The following DNM1 variants were observed in gnomAD, a reference collection of about 807,000 sequenced individuals.
DNM1 encodes dynamin-1.
In DNM1, 29 loss-of-function variants were observed where a neutral mutation model predicts 104.6. That is an observed-to-expected ratio of 0.28 (90% CI 0.21 to 0.38). The LOEUF is 0.38. Ranked by LOEUF, DNM1 falls within the 10% of genes least tolerant of loss-of-function variation. The probability of loss-of-function intolerance (pLI) is 1.00; values close to 1 mark genes in which losing one functional copy is unlikely to be tolerated. For synonymous variants in DNM1, 445 were observed against 475.8 expected, an observed-to-expected ratio of 0.94 and a Z score of 0.84; for missense variants, 640 against 1,189.4, an observed-to-expected ratio of 0.54 and a Z score of 6.79.
In DNM1 at chr9:128,224,597, T is replaced by C. The variant is rs968843491; in HGVS notation, c.1335+208T>C. Among the ~76,000 whole-genome samples, 4 of 151,562 alleles carry C rather than the reference T, an allele frequency of 2.6e-5. No individual in the cohort carries two copies. Among genetic ancestry groups the C allele is most frequent in the Admixed American group, 2.6e-4 (4 of 15,254 alleles). ...GCCCCCAGGTCTGGGGACCCAGGGATTGGACATGGGTGAGACGGGGATGAT... is the reference window on the plus strand; with the variant it reads ...GCCCCCAGGTCTGGGGACCCAGGGACTGGACATGGGTGAGACGGGGATGAT... On this transcript the variant is annotated intron_variant, in intron 10 of 21. Transcript: ENST00000372923. This position sits in a 1 kb window ranked among gnomAD's most constrained non-coding sequence, Gnocchi z 4.3.
In DNM1 at chr9:128,220,286, A is replaced by G. The variant is rs1834864541; in HGVS notation, c.794A>G (p.Tyr265Cys). 6.2e-7 allele frequency: 1 copy of G among 1,614,100 alleles called. No homozygotes were observed. The highest frequency in any genetic ancestry group is 8.5e-7 in the Non-Finnish European group (1 of 1,180,040). ...AAGTTCTTCCTCTCCCATCCATCTT[A>G]TCGCCACTTGGCTGACCGTATGGGC... ...ERKFFLSHPSYRHLADRMGTP... is the reference protein window; with the variant it reads ...ERKFFLSHPSCRHLADRMGTP... The change falls in exon 6 of 22, where the codon TAT (tyrosine) becomes TGT (cysteine). Residue 265 changes from tyrosine to cysteine, a missense_variant. Tyr to Cys is a radical substitution (Grantham distance 194). Coordinates refer to ENST00000372923, the MANE Select transcript of DNM1 (RefSeq NM_004408.4). This position sits in a 1 kb window ranked among gnomAD's most constrained non-coding sequence, Gnocchi z 5.2.
At chr9:128,209,570 A>G (rs561206300) in intron 1 of DNM1, among the ~76,000 whole-genome samples, 221 of 152,344 alleles carry the variant, frequency 1.5e-3, no homozygotes, top group Non-Finnish European at 2.6e-3. Context: ...ACACACCTTC[A>G]TCACAACCTG....
chr9:128,235,366 C>T (rs764707308), intron 11 of DNM1, among the ~76,000 whole-genome samples: 21 of 152,038 alleles, frequency 1.4e-4, no homozygotes, highest in African/African-American at 1.9e-4. Flanking sequence ...TGGTGGTGGG[C>T]GCCTGTAATC....
At chr9:128,249,398 T>C (rs1829371050) in intron 19 of DNM1, among the ~76,000 whole-genome samples, 1 of 151,934 alleles carries the variant, frequency 6.6e-6, no homozygotes, top group South Asian at 2.1e-4. Context: ...AGTTCATGCC[T>C]GTAATCCCAG....
Position 128,248,012 on chromosome 9 carries a change from G to T in DNM1, c.1905+77G>T. The T allele has an allele frequency of 6.3e-7, 1 of 1,583,184 alleles. No homozygotes were observed. Among genetic ancestry groups the T allele is most frequent in the South Asian group, 1.1e-5 (1 of 90,460 alleles). ...GCTCCAGCCAGGTTTTCAAGCAAGG[G>T]ACCTGGAGATGTTCTTTTCTAATTT... On this transcript the variant is annotated intron_variant, in intron 18 of 21. Coordinates refer to ENST00000372923, the MANE Select transcript of DNM1 (RefSeq NM_004408.4). This position sits in a 1 kb window ranked among gnomAD's most constrained non-coding sequence, Gnocchi z 5.6.
chr9:128,208,357 C>A (rs1177319466), intron 1 of DNM1, among the ~76,000 whole-genome samples: 1 of 152,224 alleles, frequency 6.6e-6, no homozygotes, highest in African/African-American at 2.4e-5. Context: ...TAGCACTCAG[C>A]TCTCTGCTCT....
chr9:128,252,648 T>C, intron 21 of DNM1: 1 of 431,444 alleles, frequency 2.3e-6, no homozygotes, highest in South Asian at 1.7e-5. Context: ...GGCTCAATGC[T>C]GTGGGCAGTA....
In DNM1 at chr9:128,220,742, C is replaced by CGCGCGTGT. The variant is rs61020870; in HGVS notation, c.849+402_849+403insCGCGTGTG. Among the ~76,000 whole-genome samples, 373 of 136,348 alleles carry CGCGCGTGT rather than the reference C, an allele frequency of 2.7e-3. No individual in the cohort carries two copies. The highest frequency in any genetic ancestry group is 2.9e-3 in the Non-Finnish European group (184 of 63,284). The allele number at this position is 136,348 out of a possible 152,430, so 89.4% of individuals were successfully genotyped here. ...CAGAACTGAAGTGCGCGCGCGCGCG[C>CGCGCGTGT]GTGTGTGTGTGTGTGTGTGTGTGTG... On this transcript the variant is annotated intron_variant, in intron 6 of 21. Coordinates refer to ENST00000372923, the MANE Select transcript of DNM1 (RefSeq NM_004408.4). This position sits in a 1 kb window ranked among gnomAD's most constrained non-coding sequence, Gnocchi z 5.2.
At position 128,218,438 on chromosome 9, in the gene DNM1, G is replaced by A. The variant is rs764079431; in HGVS notation, c.235+134G>A. 216 of 1,414,190 alleles carry A rather than the reference G, an allele frequency of 1.5e-4. No homozygotes were observed. Among genetic ancestry groups the A allele is most frequent in the Middle Eastern group, 5.3e-4 (3 of 5,658 alleles). The allele number at this position is 1,414,190 out of a possible 1,614,324, so 87.6% of individuals were successfully genotyped here. On this transcript the variant is annotated intron_variant, in intron 2 of 21. Coordinates refer to ENST00000372923, the MANE Select transcript of DNM1 (RefSeq NM_004408.4). This position sits in a 1 kb window ranked among gnomAD's most constrained non-coding sequence, Gnocchi z 4.8. The stretch of plus-strand genomic sequence containing the variant: ...CCTCGTTCCCCTTAGGGATAGCGGG[G>A]ATCAAAATACATAATGGAGACGTGG...
chr9:128,251,634 CA>C (rs146875813), intron 21 of DNM1: 38,081 of 149,264 alleles, frequency 0.26, 7,260 homozygotes, highest in African/African-American at 0.54. Flanking sequence ...TCCCCCCAAC[CA>C]CCCCCTCCGC....
chr9:128,254,237 A>G lies in DNM1; in HGVS notation c.2535-417A>G, dbSNP rs986217312. The stretch of plus-strand genomic sequence containing the variant: ...CTGGTTCAAGCAGTGTTCTTTCTCT[A>G]TCAGGCCTGGTGGCTGTTGCATGGG... On this transcript the variant is annotated intron_variant, in intron 21 of 21. Transcript: ENST00000372923. This position sits in a 1 kb window ranked among gnomAD's most constrained non-coding sequence, Gnocchi z 6.1. 1.6e-5 allele frequency: 22 copies of G among 1,357,128 alleles called. No homozygotes were observed. Among genetic ancestry groups the G allele is most frequent in the East Asian group, 6.1e-5 (2 of 32,918 alleles). 84.1% of individuals were successfully genotyped at this position (1,357,128 alleles called of 1,614,324 possible).
At chr9:128,225,691 A>G (rs993500997) in intron 10 of DNM1, among the ~76,000 whole-genome samples, 1 of 152,124 alleles carries the variant, frequency 6.6e-6, no homozygotes, top group African/African-American at 2.4e-5. Flanking sequence ...AGTGAGGCCG[A>G]GGAGCAGGGG....
intron 16 of DNM1, among the ~76,000 whole-genome samples, chr9:128,246,730 C>T (rs113293260): frequency 0.058 from 8,570 of 147,306 alleles, 363 homozygotes; most frequent in East Asian, 0.19. Context: ...TTTCCTTCCT[C>T]CCTTCCTTCC....
chr9:128,210,946 G>A (rs1385974547), intron 1 of DNM1, among the ~76,000 whole-genome samples: 1 of 151,120 alleles, frequency 6.6e-6, no homozygotes, highest in African/African-American at 2.4e-5. Flanking sequence ...GTCAGCCCTG[G>A]CAACTTAGAA....
At chr9:128,211,610 G>T (rs574947122) in intron 1 of DNM1, among the ~76,000 whole-genome samples, 1 of 149,870 alleles carries the variant, frequency 6.7e-6, no homozygotes. Flanking sequence ...GGCCCCAAGC[G>T]ATCCTCCCAC....
chr9:128,217,730 C>T (rs1834698212), intron 1 of DNM1, among the ~76,000 whole-genome samples: 1 of 152,148 alleles, frequency 6.6e-6, no homozygotes, highest in Non-Finnish European at 1.5e-5. Context: ...GAGTCCTTTT[C>T]CTTGCCACCT....
Position 128,218,153 on chromosome 9 carries a change from A to G in DNM1, c.162-78A>G, listed in dbSNP as rs542007760. On this transcript the variant is annotated intron_variant, in intron 1 of 21. Coordinates refer to ENST00000372923, the MANE Select transcript of DNM1 (RefSeq NM_004408.4). The surrounding 1 kb of genome is among the most constrained non-coding windows in gnomAD (Gnocchi z 4.8). ...CTTTGGAAGGAGCTTTGGCTTTCCC[A>G]GGGGCCGGACAGGTACCCCTGGGAC... The G allele has an allele frequency of 2.1e-6, 3 of 1,425,034 alleles. No homozygotes were observed. Among genetic ancestry groups the G allele is most frequent in the Non-Finnish European group, 3.0e-6 (3 of 1,008,012 alleles). 88.3% of individuals were successfully genotyped at this position (1,425,034 alleles called of 1,614,324 possible). A position where few individuals can be genotyped will look rare whatever the true frequency, so the allele number is the denominator to read the frequency against.
intron 10 of DNM1, among the ~76,000 whole-genome samples, chr9:128,232,899 C>T (rs1835785802): frequency 6.6e-6 from 1 of 152,246 alleles, no homozygotes; most frequent in African/African-American, 2.4e-5. Flanking sequence ...CGCCCTCTTC[C>T]AGCACTGGCC....
intron 1 of DNM1, among the ~76,000 whole-genome samples, chr9:128,214,984 G>A (rs1428985660): frequency 6.6e-6 from 1 of 152,250 alleles, no homozygotes; most frequent in Non-Finnish European, 1.5e-5. Flanking sequence ...GTGTCCAGGT[G>A]AAAGGGAAGA....
Sources: gnomAD v4.1 joint callset for allele counts (sites outside exome capture counted in the v4.1 genomes callset) on GRCh38, gnomAD v4.1.1 for gene constraint, Gnocchi (gnomAD v3.1) non-coding constraint, MANE v1.5 for transcripts, NCBI Gene and HGNC (gene_info 2026-07-23, HGNC 2026-07-21) for gene names.